Variants in SLCO1C1 observed in about 807,000 individuals in gnomAD.
SLCO1C1 encodes solute carrier organic anion transporter family member 1C1, also known as OAT-RP-5.
SLCO1C1 carries 70 observed loss-of-function variants against 76.4 expected under a neutral mutation model. That is an observed-to-expected ratio of 0.92 (90% CI 0.76 to 1.12). The LOEUF is 1.12. SLCO1C1 is among the 50% of genes most tolerant of loss of function. The probability of loss-of-function intolerance (pLI) is 0.00; values close to 1 mark genes in which losing one functional copy is unlikely to be tolerated. For missense variants in SLCO1C1, 912 were observed against 823.8 expected (o/e 1.11, Z -1.31); for synonymous variants, 306 against 286.1 (o/e 1.07, Z -0.70).
chr12:20,740,496 G>T, intron 12 of SLCO1C1, 128 bp downstream of exon 12: 1 of 803,106 alleles, frequency 1.2e-6, no homozygotes, highest in Non-Finnish European at 1.9e-6. Context: ...CCACATCCTT[G>T]TTTCACTTTT....
At position 20,715,157 on chromosome 12, in the gene SLCO1C1, G is replaced by A; in HGVS notation, c.548G>A (p.Ser183Asn). 1 of 1,614,020 alleles carries A rather than the reference G, an allele frequency of 6.2e-7. No homozygotes were observed. Among genetic ancestry groups the A allele is most frequent in the Non-Finnish European group, 8.5e-7 (1 of 1,179,926 alleles). The change falls in exon 6 of 15, where the codon AGC becomes AAC. Residue 183 changes from serine to asparagine, a missense_variant. Physicochemically the swap from Ser to Asn is conservative, Grantham distance 46. Transcript: ENST00000266509. ...TTTCAAGAATGTGAAGTGGACACTA[G>A]CTCTTCCATGTGGATTTATGTTTTC... The part of the protein sequence containing the change: ...KISNECEVDT[S>N]SSMWIYVFLG...
At position 20,737,193 on chromosome 12, in the gene SLCO1C1, T is replaced by C. The variant is rs749762716; in HGVS notation, c.1469T>C (p.Met490Thr). Residue 490 changes from methionine (M) to threonine (T), a missense_variant, in exon 11 of 15, where the codon ATG (methionine) becomes ACG (threonine). Transcript: ENST00000266509. ...CKCSETKWEP[M>T]CGENGITYVS... Reference sequence around the variant, plus strand: ...TGTTCAGAGACAAAATGGGAACCCATGTGCGGTGAAAATGGAATCACATAT... The same window carrying C: ...TGTTCAGAGACAAAATGGGAACCCACGTGCGGTGAAAATGGAATCACATAT... 54 of 1,571,740 alleles carry C rather than the reference T, an allele frequency of 3.4e-5. No individual in the cohort carries two copies. The highest frequency in any genetic ancestry group is 7.2e-5 in the East Asian group (3 of 41,776).
At position 20,728,153 on chromosome 12, in the gene SLCO1C1, C is replaced by T. The variant is rs1166888598; in HGVS notation, c.1187-4756C>T. ...AGGATTTTTATAGTTTAAATTCTTA[C>T]CCATAAGTCTTTAATCCATGTTGAG... On this transcript the variant is annotated intron_variant, in intron 9 of 14. Coordinates refer to ENST00000266509, the MANE Select transcript of SLCO1C1 (RefSeq NM_017435.5). Among the ~76,000 whole-genome samples the T allele has an allele frequency of 2.0e-5, 3 of 152,004 alleles. No homozygotes were observed. The East Asian group carries it at 5.8e-4, about 29-fold the overall frequency.
chr12:20,717,494 C>T (rs1363951918), intron 7 of SLCO1C1, among the ~76,000 whole-genome samples: 1 of 151,478 alleles, frequency 6.6e-6, no homozygotes, highest in African/African-American at 2.4e-5. Context: ...AAATGCATTC[C>T]AGCATAGTTA....
At chr12:20,710,390 C>G (rs572219016) in intron 4 of SLCO1C1, among the ~76,000 whole-genome samples, 1 of 151,906 alleles carries the variant, frequency 6.6e-6, no homozygotes, top group South Asian at 2.1e-4. Context: ...CCTGTGATTA[C>G]TAGCCTTTGG....
Position 20,752,345 on chromosome 12 carries a change from G to T in SLCO1C1, c.1956G>T (p.Val652=), listed in dbSNP as rs111796962. 9,198 of 1,611,508 alleles carry T rather than the reference G, an allele frequency of 5.7e-3. 266 individuals carry two copies. The highest frequency in any genetic ancestry group is 0.054 in the Admixed American group (3,241 of 59,860). Residue 652 remains valine, a synonymous_variant, in exon 15 of 15, where the codon GTG becomes GTT. Coordinates refer to ENST00000266509, the MANE Select transcript of SLCO1C1 (RefSeq NM_017435.5). The part of the protein sequence containing the change: ...YLGLTVILGT[V]SILLSIAVLF... ...GACTAACTGTGATACTGGGCACAGT[G>T]TCAATTCTCCTAAGCATTGCAGTAC... is the stretch of plus-strand genomic sequence containing the variant.
intron 9 of SLCO1C1, 126 bp downstream of exon 9, chr12:20,723,380 A>G: frequency 8.9e-7 from 1 of 1,124,304 alleles, no homozygotes; most frequent in Non-Finnish European, 1.3e-6. Flanking sequence ...TGAGCTCAAA[A>G]AGTAACAAGA....
chr12:20,719,958 G>A (rs950343133), intron 7 of SLCO1C1, among the ~76,000 whole-genome samples: 2 of 152,200 alleles, frequency 1.3e-5, no homozygotes, highest in African/African-American at 4.8e-5. Flanking sequence ...AGCCATAGAG[G>A]AGAAGTCAAT....
Position 20,753,234 on chromosome 12 carries a change from G to T in SLCO1C1, c.*706G>T, listed in dbSNP as rs1303626132. On this transcript the variant is annotated 3_prime_UTR_variant, in exon 15 of 15. Transcript: ENST00000266509. ...ACATGCCCAATTATTGTTCTTTTAT[G>T]AATCCAATGAATTTAAAACTATTGT... is the stretch of plus-strand genomic sequence containing the variant. The T allele has an allele frequency of 6.6e-6, 1 of 152,122 alleles. No individual in the cohort carries two copies. Among genetic ancestry groups the T allele is most frequent in the East Asian group, 1.9e-4 (1 of 5,196 alleles). 9.4% of individuals were successfully genotyped at this position (152,122 alleles called of 1,614,324 possible).
chr12:20,696,204 A>G (rs1946257550), intron 1 of SLCO1C1, among the ~76,000 whole-genome samples: 1 of 152,164 alleles, frequency 6.6e-6, no homozygotes, highest in African/African-American at 2.4e-5. Context: ...TTAGGTGAGA[A>G]ATTAGTTTCT....
intron 1 of SLCO1C1, chr12:20,696,626 T>C (rs760445283): frequency 4.6e-5 from 7 of 152,166 alleles, no homozygotes; most frequent in Non-Finnish European, 1.0e-4. Context: ...ACCCAGGGTA[T>C]TGGATGAAAA....
chr12:20,723,023 G>A, intron 8 of SLCO1C1, 67 bp from the exon 9 acceptor site: 1 of 1,425,882 alleles, frequency 7.0e-7, no homozygotes, highest in Non-Finnish European at 9.6e-7. Context: ...AGTCCTGCCA[G>A]CACGGCTACT....
At chr12:20,712,470 A>G (rs560752592) in intron 5 of SLCO1C1, among the ~76,000 whole-genome samples, 24 of 152,256 alleles carry the variant, frequency 1.6e-4, no homozygotes, top group Admixed American at 3.9e-4. Flanking sequence ...CTGTGTCTCT[A>G]GGACGCAGTA....
At chr12:20,733,621 T>G (rs1948399146) in intron 10 of SLCO1C1, among the ~76,000 whole-genome samples, 1 of 152,098 alleles carries the variant, frequency 6.6e-6, no homozygotes, top group African/African-American at 2.4e-5. Context: ...GGAACTGGAG[T>G]TACCTCTTTG....
At chr12:20,710,963 C>T (rs961869299) in intron 4 of SLCO1C1, among the ~76,000 whole-genome samples, 2 of 152,020 alleles carry the variant, frequency 1.3e-5, no homozygotes, top group East Asian at 1.9e-4. Context: ...GGCCCAGGTA[C>T]GTGTAAAGCA....
chr12:20,726,915 G>A (rs1948033713), intron 9 of SLCO1C1, among the ~76,000 whole-genome samples: 1 of 152,104 alleles, frequency 6.6e-6, no homozygotes, highest in Non-Finnish European at 1.5e-5. Flanking sequence ...TTATGTCCAT[G>A]TGTATCCAAT....
rs1450818545 is a variant in SLCO1C1, at chr12:20,752,314, A to G, written c.1925A>G (p.Tyr642Cys). The change falls in exon 15 of 15, where the codon TAT (tyrosine) becomes TGT (cysteine). Residue 642 changes from tyrosine to cysteine, a missense_variant. By Grantham distance (194) the Tyr-to-Cys change is radical. Transcript: ENST00000266509. ...ATTCTCTCTTCTTCTAGACATATATATCTGGGACTAACTGTGATACTGGGC... is the reference window on the plus strand; with the variant it reads ...ATTCTCTCTTCTTCTAGACATATATGTCTGGGACTAACTGTGATACTGGGC... ...LYDSNVFRHIYLGLTVILGTV... is the reference protein window; with the variant it reads ...LYDSNVFRHICLGLTVILGTV... 5.1e-6 allele frequency: 8 copies of G among 1,581,538 alleles called. No individual in the cohort carries two copies. The East Asian group carries it at 1.1e-4, about 22-fold the overall frequency.
At chr12:20,748,601 T>A (rs570805517) in intron 13 of SLCO1C1, among the ~76,000 whole-genome samples, 6 of 152,344 alleles carry the variant, frequency 3.9e-5, no homozygotes, top group Admixed American at 2.0e-4. Flanking sequence ...TGTTTTATTT[T>A]TTCTTTTGAT....
intron 7 of SLCO1C1, among the ~76,000 whole-genome samples, chr12:20,719,090 C>T (rs1033847141): frequency 1.5e-5 from 2 of 135,280 alleles, no homozygotes; most frequent in Non-Finnish European, 3.1e-5. Context: ...CCTAATATCG[C>T]AAGCTTTTAC....
Sources: allele counts gnomAD v4.1 joint callset (sites outside exome capture counted in the v4.1 genomes callset), GRCh38; gene constraint gnomAD v4.1.1; transcripts MANE v1.5; gene names NCBI Gene and HGNC (gene_info 2026-07-23, HGNC 2026-07-21).